The following GLYAT variants were observed in gnomAD, a reference collection of about 807,000 sequenced individuals.
GLYAT encodes glycine N-acyltransferase.
In GLYAT, 25 loss-of-function variants were observed where a neutral mutation model predicts 22.8. The ratio of observed to expected loss-of-function variants is 1.09; its 90% confidence interval spans 0.80 to 1.53. The LOEUF is 1.53. GLYAT is among the 40% of genes most tolerant of loss of function. The pLI is 0.00. For synonymous variants in GLYAT, 140 were observed against 122.7 expected, an observed-to-expected ratio of 1.14 and a Z score of -0.93; for missense variants, 411 against 353.9, an observed-to-expected ratio of 1.16 and a Z score of -1.29.
At chr11:58,731,449 T>C (rs1169413915) in intron 1 of GLYAT, among the ~76,000 whole-genome samples, 1 of 152,156 alleles carries the variant, frequency 6.6e-6, no homozygotes, top group Non-Finnish European at 1.5e-5. Context: ...GTTACTCCTT[T>C]TCCTTGAGCA....
intron 1 of GLYAT, among the ~76,000 whole-genome samples, chr11:58,727,655 A>G (rs377029012): frequency 1.3e-5 from 2 of 152,100 alleles, no homozygotes; most frequent in Admixed American, 6.5e-5. Context: ...CAGAGAACCT[A>G]AAACTGGTGA....
chr11:58,730,493 T>C (rs1856860978), intron 1 of GLYAT, among the ~76,000 whole-genome samples: 1 of 152,202 alleles, frequency 6.6e-6, no homozygotes. Context: ...CCCACTACCT[T>C]GCTTTTACTG....
rs2134493618 is a variant in GLYAT, at chr11:58,723,935, G to C, written c.81+481C>G. On this transcript the variant is annotated intron_variant, in intron 2 of 5. Transcript: ENST00000344743. ...CAATTGGGAAATTTACATTAAAATA[G>C]AAATTGATCTGTTATTAATTTCAAA... Among the ~76,000 whole-genome samples, 4 of 152,098 alleles carry C rather than the reference G, an allele frequency of 2.6e-5. 1 individual carries two copies. Among genetic ancestry groups the C allele is most frequent in the Middle Eastern group, 6.8e-3 (2 of 294 alleles).
rs775347976 is a variant in GLYAT, at chr11:58,712,890, T to C, written c.190-4A>G. 10 of 1,575,436 alleles carry C rather than the reference T, an allele frequency of 6.3e-6. No homozygotes were observed. Among genetic ancestry groups the C allele is most frequent in the Non-Finnish European group, 7.8e-6 (9 of 1,150,596 alleles). On this transcript the variant is annotated splice_polypyrimidine_tract_variant and splice_region_variant and intron_variant, in intron 3 of 5. Transcript: ENST00000344743. ...GATCAAGGTCATCTGTCATATCCTG[T>C]TATCATTAGGAAAAAGGAAATAAAA...
chr11:58,723,715 A>G (rs944945507), intron 2 of GLYAT, among the ~76,000 whole-genome samples: 2 of 152,054 alleles, frequency 1.3e-5, no homozygotes, highest in African/African-American at 2.4e-5. Flanking sequence ...AAATATATAC[A>G]TACAGACAAG....
intron 4 of GLYAT, among the ~76,000 whole-genome samples, chr11:58,712,163 G>A (rs928830122): frequency 6.6e-6 from 1 of 152,236 alleles, no homozygotes; most frequent in African/African-American, 2.4e-5. Flanking sequence ...GGTTTGCTAT[G>A]CAGCAAACAT....
chr11:58,717,507 T>C (rs1437301496), intron 2 of GLYAT, among the ~76,000 whole-genome samples: 1 of 151,796 alleles, frequency 6.6e-6, no homozygotes, highest in Admixed American at 6.6e-5. Flanking sequence ...TTCAGGGTTT[T>C]AAGAAAGCAC....
chr11:58,724,534 T>C (rs775115236), intron 1 of GLYAT, 23 bp from the exon 2 acceptor site: 10 of 1,304,772 alleles, frequency 7.7e-6, no homozygotes, highest in Admixed American at 1.9e-5. Flanking sequence ...CCAAGGAACA[T>C]ACAGGATTGA....
intron 1 of GLYAT, among the ~76,000 whole-genome samples, chr11:58,729,930 G>A (rs1385987863): frequency 2.0e-5 from 3 of 152,096 alleles, no homozygotes; most frequent in African/African-American, 7.2e-5. Context: ...TATATTTTCT[G>A]AAGAGTAGAG....
intron 1 of GLYAT, among the ~76,000 whole-genome samples, chr11:58,726,813 A>G (rs1277164262): frequency 1.3e-5 from 2 of 152,148 alleles, no homozygotes; most frequent in Non-Finnish European, 2.9e-5. Context: ...AGTAGGAGGA[A>G]GCGAGAAAAA....
intron 2 of GLYAT, among the ~76,000 whole-genome samples, chr11:58,722,199 G>T (rs1286066525): frequency 1.3e-5 from 2 of 151,994 alleles, no homozygotes; most frequent in African/African-American, 4.8e-5. Context: ...CTGGTACCAA[G>T]CACCGATAGG....
At position 58,729,029 on chromosome 11, in the gene GLYAT, T is replaced by C. The variant is rs570334477; in HGVS notation, c.-16+2806A>G. On this transcript the variant is annotated intron_variant, in intron 1 of 5. Coordinates refer to ENST00000344743, the MANE Select transcript of GLYAT (RefSeq NM_201648.3). ...GTCTGGCTAATTACTGATCTGAGCA[T>C]ATATAAAAAGAAACTACCTTAATAC... Among the ~76,000 whole-genome samples, 9 of 152,080 alleles carry C rather than the reference T, an allele frequency of 5.9e-5. No homozygotes were observed. The South Asian group carries it at 1.7e-3, about 28-fold the overall frequency.
rs1224060141 is a variant in GLYAT, at chr11:58,709,180, G to C, written c.*586C>G. The C allele has an allele frequency of 2.0e-5, 3 of 152,150 alleles. No homozygotes were observed. Among genetic ancestry groups the C allele is most frequent in the Non-Finnish European group, 2.9e-5 (2 of 68,036 alleles). The allele number at this position is 152,150 out of a possible 1,614,324, so 9.4% of individuals were successfully genotyped here. On this transcript the variant is annotated 3_prime_UTR_variant, in exon 6 of 6. Transcript: ENST00000344743. ...CTGGAATAGGAGCTTGGAGAGGATA[G>C]GATATCATCAGTTGATATTTCTTCT...
In GLYAT at chr11:58,720,548, C is replaced by T. The variant is rs114645002; in HGVS notation, c.81+3868G>A. ...TAGGCCTAACTAACTTTGGGAGGAA[C>T]TTGGTTTATAGTTTAGCTTTGAAAC... On this transcript the variant is annotated intron_variant, in intron 2 of 5. Transcript: ENST00000344743. 5.2e-3 allele frequency among the ~76,000 whole-genome samples: 784 copies of T among 152,134 alleles called. 7 individuals are homozygous for T. Among genetic ancestry groups the T allele is most frequent in the African/African-American group, 0.018 (756 of 41,548 alleles).
intron 2 of GLYAT, among the ~76,000 whole-genome samples, chr11:58,716,121 G>A (rs1220251590): frequency 6.6e-6 from 1 of 152,090 alleles, no homozygotes; most frequent in East Asian, 1.9e-4. Context: ...CCCTTGCCCT[G>A]TTGGACAAAC....
At chr11:58,724,729 C>A (rs1176643122) in intron 1 of GLYAT, among the ~76,000 whole-genome samples, 1 of 151,906 alleles carries the variant, frequency 6.6e-6, no homozygotes, top group African/African-American at 2.4e-5. Flanking sequence ...TGAATTCCAG[C>A]CATTAATTTC....
intron 4 of GLYAT, among the ~76,000 whole-genome samples, chr11:58,711,323 G>A (rs59044967): frequency 6.6e-6 from 1 of 152,174 alleles, no homozygotes; most frequent in African/African-American, 2.4e-5. Flanking sequence ...CAACAGTAGG[G>A]TGGACATGTC....
At chr11:58,728,298 T>G (rs1183995939) in intron 1 of GLYAT, among the ~76,000 whole-genome samples, 3 of 152,014 alleles carry the variant, frequency 2.0e-5, no homozygotes, top group Non-Finnish European at 2.9e-5. Context: ...CTTGACCTTG[T>G]GATCTGCCCA....
intron 1 of GLYAT, chr11:58,728,648 G>A (rs1339404391): frequency 1.3e-5 from 2 of 151,882 alleles, no homozygotes; most frequent in African/African-American, 2.4e-5. Context: ...TCCTAGAATT[G>A]CACCAGCTTA....
Sources: gnomAD v4.1 joint callset for allele counts (sites outside exome capture counted in the v4.1 genomes callset) on GRCh38, gnomAD v4.1.1 for gene constraint, MANE v1.5 for transcripts, NCBI Gene and HGNC (gene_info 2026-07-23, HGNC 2026-07-21) for gene names.